The following PLPPR4 variants were observed in gnomAD, a reference collection of about 807,000 sequenced individuals.
The protein encoded by PLPPR4 is phospholipid phosphatase-related protein type 4.
Under a neutral mutation model 56.6 loss-of-function variants are expected in PLPPR4, and 24 were observed. The observed-to-expected ratio is 0.42, with a 90% CI of 0.31 to 0.60. The LOEUF is 0.60. Among genes scored for constraint, PLPPR4 ranks in the 20% least tolerant of loss-of-function variants. The pLI, the probability that PLPPR4 is intolerant of heterozygous loss-of-function variation, is 0.13. For missense variants in PLPPR4, 654 were observed against 885.8 expected (o/e 0.74, Z 3.32); for synonymous variants, 326 against 328.1 (o/e 0.99, Z 0.07).
intron 1 of PLPPR4, among the ~76,000 whole-genome samples, chr1:99,276,995 C>T (rs1442928678): frequency 6.6e-6 from 1 of 152,134 alleles, no homozygotes; most frequent in Non-Finnish European, 1.5e-5. Context: ...CTTTTTTCTG[C>T]TAAAGCTTTG....
chr1:99,288,210 T>C (rs1328135070), intron 2 of PLPPR4, 60 bp downstream of exon 2: 2 of 1,482,376 alleles, frequency 1.3e-6, no homozygotes, highest in African/African-American at 2.8e-5. Flanking sequence ...TCACCACATT[T>C]GTATAATAAA....
chr1:99,291,219 A>T (rs1659612492), intron 2 of PLPPR4, among the ~76,000 whole-genome samples: 1 of 152,224 alleles, frequency 6.6e-6, no homozygotes, highest in Non-Finnish European at 1.5e-5. Context: ...AGAGAAATGC[A>T]AATCAAAACG....
chr1:99,266,335 A>G (rs1472264954), intron 1 of PLPPR4, among the ~76,000 whole-genome samples: 1 of 152,248 alleles, frequency 6.6e-6, no homozygotes, highest in East Asian at 1.9e-4. Context: ...AGCTGACTAC[A>G]TGTGGGTTGC....
intron 3 of PLPPR4, 36 bp from the exon 4 acceptor site, chr1:99,298,999 C>T (rs1183877221): frequency 2.0e-6 from 3 of 1,470,818 alleles, no homozygotes; most frequent in Non-Finnish European, 2.9e-6. Context: ...GACACAACCA[C>T]CAACTTGGTA....
intron 1 of PLPPR4, among the ~76,000 whole-genome samples, chr1:99,268,826 T>C (rs894308002): frequency 3.3e-5 from 5 of 152,200 alleles, no homozygotes; most frequent in Non-Finnish European, 5.9e-5. Context: ...AGGTTTATCA[T>C]GCCCTTAAAG....
Position 99,307,695 on chromosome 1 carries a change from G to T in PLPPR4, c.*685G>T, listed in dbSNP as rs1034852214. 1 of 152,158 alleles carries T rather than the reference G, an allele frequency of 6.6e-6. No homozygotes were observed. The highest frequency in any genetic ancestry group is 2.4e-5 in the African/African-American group (1 of 41,450). The allele number at this position is 152,158 out of a possible 1,614,324, so 9.4% of individuals were successfully genotyped here. ...TCTGCTTTCTTCAACATCAAAAATTGTGTAGAAATATTTTCAGTGAAAGGG... is the reference window on the plus strand; with the variant it reads ...TCTGCTTTCTTCAACATCAAAAATTTTGTAGAAATATTTTCAGTGAAAGGG... On this transcript the variant is annotated 3_prime_UTR_variant, in exon 7 of 7. Coordinates refer to ENST00000370185, the MANE Select transcript of PLPPR4 (RefSeq NM_014839.5).
chr1:99,279,038 T>C (rs1374687325), intron 1 of PLPPR4, among the ~76,000 whole-genome samples: 1 of 152,234 alleles, frequency 6.6e-6, no homozygotes, highest in Non-Finnish European at 1.5e-5. Context: ...GTGGATATTT[T>C]CTTAACAATA....
At position 99,281,881 on chromosome 1, in the gene PLPPR4, G is replaced by C. The variant is rs148019331; in HGVS notation, c.79-6084G>C. Among the ~76,000 whole-genome samples, 222 of 152,106 alleles carry C rather than the reference G, an allele frequency of 1.5e-3. 4 individuals carry two copies. The highest frequency in any genetic ancestry group is 0.01 in the Admixed American group (160 of 15,270). On this transcript the variant is annotated intron_variant, in intron 1 of 6. Coordinates refer to ENST00000370185, the MANE Select transcript of PLPPR4 (RefSeq NM_014839.5). ...AAATCTTCCTTAATCTCTTAGAATA[G>C]CTCTTGCATATGTTTGGCATGAATA...
chr1:99,303,224 A>G (rs556232881), intron 6 of PLPPR4, among the ~76,000 whole-genome samples: 2 of 152,224 alleles, frequency 1.3e-5, no homozygotes, highest in East Asian at 3.9e-4. Flanking sequence ...CTGAAAGAGC[A>G]AGTGGAAGTG....
chr1:99,265,974 AG>A (rs1371665549), intron 1 of PLPPR4, among the ~76,000 whole-genome samples: 1 of 152,222 alleles, frequency 6.6e-6, no homozygotes, highest in Non-Finnish European at 1.5e-5. Context: ...ATAGAAAAGA[AG>A]AAAAAAAAAT....
At chr1:99,295,598 T>A (rs1308244108) in intron 2 of PLPPR4, among the ~76,000 whole-genome samples, 1 of 152,216 alleles carries the variant, frequency 6.6e-6, no homozygotes, top group Non-Finnish European at 1.5e-5. Flanking sequence ...AATCAATATT[T>A]AATTTCACAA....
chr1:99,264,330 C>T (rs550415750), upstream of PLPPR4: 4 of 804,754 alleles, frequency 5.0e-6, no homozygotes, highest in South Asian at 1.9e-5. Flanking sequence ...GGGAGCTGGA[C>T]GTCGTCTCTC....
Position 99,308,768 on chromosome 1 carries a change from A to C in PLPPR4, c.*1758A>C, listed in dbSNP as rs1172030342. On this transcript the variant is annotated 3_prime_UTR_variant, in exon 7 of 7. Coordinates refer to ENST00000370185, the MANE Select transcript of PLPPR4 (RefSeq NM_014839.5). ...AACTCTGGCAATAAAACATGGACTCAACCATATCCCTTCTGGCAATTTCCT... is the reference window on the plus strand; with the variant it reads ...AACTCTGGCAATAAAACATGGACTCCACCATATCCCTTCTGGCAATTTCCT... 1 of 152,622 alleles carries C rather than the reference A, an allele frequency of 6.6e-6. No homozygotes were observed. The highest frequency in any genetic ancestry group is 1.9e-4 in the East Asian group (1 of 5,198). The allele number at this position is 152,622 out of a possible 1,614,324, so 9.5% of individuals were successfully genotyped here. A position where few individuals can be genotyped will look rare whatever the true frequency, so the allele number is the denominator to read the frequency against.
chr1:99,306,631 C>A lies in PLPPR4; in HGVS notation c.1769C>A (p.Ser590Tyr). The change falls in exon 7 of 7, where the codon TCC becomes TAC. Residue 590 changes from serine (S) to tyrosine (Y), a missense_variant. Transcript: ENST00000370185. The surrounding 1 kb of genome is among the most constrained non-coding windows in gnomAD (Gnocchi z 4.0). ...ENNRPIIQIP[S>Y]TEGEGSGSWK... Reference sequence around the variant, plus strand: ...AACAGGCCCATCATACAGATCCCGTCCACTGAAGGTGAAGGCAGTGGCTCC... The same window carrying A: ...AACAGGCCCATCATACAGATCCCGTACACTGAAGGTGAAGGCAGTGGCTCC... The A allele has an allele frequency of 6.2e-7, 1 of 1,614,120 alleles. No homozygotes were observed. Among genetic ancestry groups the A allele is most frequent in the Non-Finnish European group, 8.5e-7 (1 of 1,180,010 alleles).
Position 99,306,314 on chromosome 1 carries a change from G to T in PLPPR4, c.1452G>T (p.Gln484His). The T allele has an allele frequency of 6.2e-7, 1 of 1,614,214 alleles. No individual in the cohort carries two copies. The highest frequency in any genetic ancestry group is 8.5e-7 in the Non-Finnish European group (1 of 1,180,038). The change falls in exon 7 of 7, where the codon CAG (glutamine) becomes CAT (histidine). Residue 484 changes from glutamine (Q) to histidine (H), a missense_variant. Coordinates refer to ENST00000370185, the MANE Select transcript of PLPPR4 (RefSeq NM_014839.5). The surrounding 1 kb of genome is among the most constrained non-coding windows in gnomAD (Gnocchi z 4.0). ...TTCAGTCCCGTCCTGGGTCCTCACA[G>T]TTGGTGCACATCCCTGAGGAGACTC... Reference protein sequence around the residue: ...VSIQSRPGSSQLVHIPEETQE... With the variant: ...VSIQSRPGSSHLVHIPEETQE...
rs756715860 is a variant in PLPPR4 at position 99,306,841 on chromosome 1, T to C, written c.1979T>C (p.Val660Ala). The change falls in exon 7 of 7, where the codon GTA (valine) becomes GCA (alanine). Residue 660 changes from valine to alanine, a missense_variant. Physicochemically the swap from Val to Ala is moderately conservative, Grantham distance 64. Around this residue, in one of 2 missense-constraint regions of PLPPR4, gnomAD observed 468 missense variants for 554.3 expected, o/e 0.84. Coordinates refer to ENST00000370185, the MANE Select transcript of PLPPR4 (RefSeq NM_014839.5). This position sits in a 1 kb window ranked among gnomAD's most constrained non-coding sequence, Gnocchi z 4.0. ...ATTACCACCATCCGCGTCACCCCAG[T>C]AGAGGGCAGCGAAATTGGCTCAGAG... ...HGITTIRVTP[V>A]EGSEIGSETL... is the part of the protein sequence containing the mutation. 8.1e-6 allele frequency: 13 copies of C among 1,614,046 alleles called. No homozygotes were observed. Among genetic ancestry groups the C allele is most frequent in the East Asian group, 4.5e-5 (2 of 44,838 alleles).
At position 99,264,688 on chromosome 1, in the gene PLPPR4, C is replaced by T. The variant is rs1329014956; in HGVS notation, c.78+17C>T. The T allele has an allele frequency of 6.5e-7, 1 of 1,549,416 alleles. No homozygotes were observed. Among genetic ancestry groups the T allele is most frequent in the Non-Finnish European group, 8.7e-7 (1 of 1,145,988 alleles). On this transcript the variant is annotated intron_variant, in intron 1 of 6. Coordinates refer to ENST00000370185, the MANE Select transcript of PLPPR4 (RefSeq NM_014839.5). The stretch of plus-strand genomic sequence containing the variant: ...TTCGTCGAGGTGAGTTGGCCCAGTG[C>T]CTTGGCATAATGCAGATCCTCTGGG...
chr1:99,294,860 GA>G (rs199954689), intron 2 of PLPPR4, among the ~76,000 whole-genome samples: 3,603 of 151,950 alleles, frequency 0.024, 123 homozygotes, highest in African/African-American at 0.08. Flanking sequence ...TATACAGAGA[GA>G]AAAAAAATTA....
At chr1:99,275,686 A>T (rs1442861500) in intron 1 of PLPPR4, among the ~76,000 whole-genome samples, 1 of 152,158 alleles carries the variant, frequency 6.6e-6, no homozygotes, top group East Asian at 1.9e-4. Context: ...AGAGGAAGAG[A>T]TTGCTAAGAC....
Sources: allele counts gnomAD v4.1 joint callset (sites outside exome capture counted in the v4.1 genomes callset), GRCh38; gene constraint gnomAD v4.1.1; regional missense constraint gnomAD v4.1.1; non-coding constraint Gnocchi (gnomAD v3.1); transcripts MANE v1.5; gene names NCBI Gene and HGNC (gene_info 2026-07-23, HGNC 2026-07-21).